The following MAF variants were observed in gnomAD, a reference collection of about 807,000 sequenced individuals.
MAF encodes transcription factor Maf.
In MAF, 10 loss-of-function variants were observed where a neutral mutation model predicts 22.0. The ratio of observed to expected loss-of-function variants is 0.45; its 90% CI spans 0.28 to 0.77. The LOEUF (loss-of-function observed/expected upper bound fraction) is 0.77. Among genes scored for constraint, MAF ranks in the 30% least tolerant of loss-of-function variants. MAF has a pLI of 0.12. For missense variants in MAF, 544 were observed against 548.4 expected (o/e 0.99, Z 0.08); for synonymous variants, 337 against 255.8 (o/e 1.32, Z -3.03).
chr16:79,563,137 T>G, the MAF span, among the ~76,000 whole-genome samples: 7 of 152,148 alleles, frequency 4.6e-5, no homozygotes, highest in Non-Finnish European at 1.0e-4. Flanking sequence ...CTGAAGGCTG[T>G]ACCCATAAAG....
At chr16:79,312,971 G>T in the MAF span, among the ~76,000 whole-genome samples, 6 of 152,164 alleles carry the variant, frequency 3.9e-5, no homozygotes, top group Non-Finnish European at 7.3e-5. Context: ...ATGAGATGGG[G>T]ACAGTGGAGA....
chr16:79,376,333 TCTC>T, the MAF span, among the ~76,000 whole-genome samples: 1 of 152,100 alleles, frequency 6.6e-6, no homozygotes, highest in Non-Finnish European at 1.5e-5. Flanking sequence ...TCTTCAATCT[TCTC>T]TGCTTTTGCC....
At chr16:79,524,779 G>A in the MAF span, among the ~76,000 whole-genome samples, 5 of 152,118 alleles carry the variant, frequency 3.3e-5, no homozygotes, top group African/African-American at 4.8e-5. Flanking sequence ...TTATCCCATT[G>A]GATATGGGAA....
chr16:79,537,179 C>T, the MAF span, among the ~76,000 whole-genome samples: 2 of 152,188 alleles, frequency 1.3e-5, no homozygotes, highest in East Asian at 3.9e-4. Flanking sequence ...TGAATCTATT[C>T]TCAGTTCATA....
chr16:79,243,936 C>T, the MAF span, among the ~76,000 whole-genome samples: 5 of 151,946 alleles, frequency 3.3e-5, no homozygotes, highest in African/African-American at 7.3e-5. Context: ...AAACATAATC[C>T]GTTACATAAA....
the MAF span, among the ~76,000 whole-genome samples, chr16:79,453,876 T>C: frequency 6.6e-6 from 1 of 152,178 alleles, no homozygotes; most frequent in Non-Finnish European, 1.5e-5. Flanking sequence ...ACACACTGAA[T>C]GTATGTGGAT....
At chr16:79,216,209 T>C in the MAF span, among the ~76,000 whole-genome samples, 5 of 152,222 alleles carry the variant, frequency 3.3e-5, no homozygotes, top group Non-Finnish European at 7.3e-5. Context: ...TCTGTATATG[T>C]ATACGTGTCA....
the MAF span, among the ~76,000 whole-genome samples, chr16:79,531,614 A>G: frequency 3.3e-5 from 5 of 152,112 alleles, no homozygotes; most frequent in Non-Finnish European, 7.4e-5. Context: ...GGAGGGCACA[A>G]CCTAGATCCC....
chr16:79,335,785 C>A, the MAF span, among the ~76,000 whole-genome samples: 1 of 152,198 alleles, frequency 6.6e-6, no homozygotes, highest in African/African-American at 2.4e-5. Context: ...CTGGCTCCAA[C>A]TCTGGTTGGT....
the MAF span, among the ~76,000 whole-genome samples, chr16:79,530,721 T>C: frequency 2.6e-5 from 4 of 152,374 alleles, no homozygotes; most frequent in East Asian, 5.8e-4. Flanking sequence ...CTTTCTCTAA[T>C]GGATTGTTTT....
the MAF span, among the ~76,000 whole-genome samples, chr16:79,271,072 C>T: frequency 8.7e-4 from 89 of 101,932 alleles, no homozygotes; most frequent in African/African-American, 3.9e-3. Context: ...GGCTTTCTGG[C>T]ATTTTTTTTT....
At chr16:79,355,634 C>A in the MAF span, among the ~76,000 whole-genome samples, 1 of 152,168 alleles carries the variant, frequency 6.6e-6, no homozygotes, top group Admixed American at 6.6e-5. Context: ...AGTAGGGACT[C>A]AAATATGATT....
chr16:79,380,179 T>C, the MAF span, among the ~76,000 whole-genome samples: 4 of 152,334 alleles, frequency 2.6e-5, no homozygotes, highest in South Asian at 8.3e-4. Flanking sequence ...AGTTTCCTAT[T>C]GGCTAAATGC....
chr16:79,500,856 G>A, the MAF span, among the ~76,000 whole-genome samples: 1 of 152,156 alleles, frequency 6.6e-6, no homozygotes, highest in Non-Finnish European at 1.5e-5. Context: ...CCTTCTCAGA[G>A]AGTGTATGGA....
the MAF span, among the ~76,000 whole-genome samples, chr16:79,527,061 A>C: frequency 6.6e-6 from 1 of 152,178 alleles, no homozygotes; most frequent in African/African-American, 2.4e-5. Context: ...ACTCCAACAC[A>C]CCAGTGCTGT....
At chr16:79,301,285 C>T in the MAF span, among the ~76,000 whole-genome samples, 1 of 152,150 alleles carries the variant, frequency 6.6e-6, no homozygotes, top group Non-Finnish European at 1.5e-5. Context: ...TGCTGACCAG[C>T]GAGACCCTGG....
At chr16:79,495,366 GGTAGGAGGATCAC>G in the MAF span, among the ~76,000 whole-genome samples, 1 of 152,088 alleles carries the variant, frequency 6.6e-6, no homozygotes, top group African/African-American at 2.4e-5. Flanking sequence ...AGGAAGCTGA[GGTAGGAGGATCAC>G]TTGAGCCCAG....
chr16:79,497,891 G>A, the MAF span, among the ~76,000 whole-genome samples: 2 of 152,156 alleles, frequency 1.3e-5, no homozygotes, highest in East Asian at 3.9e-4. Flanking sequence ...GTTCCCTATT[G>A]ACTCATGTAT....
the MAF span, among the ~76,000 whole-genome samples, chr16:79,579,322 T>C: frequency 6.6e-6 from 1 of 152,222 alleles, no homozygotes; most frequent in Non-Finnish European, 1.5e-5. Flanking sequence ...AAGTCACAGT[T>C]TCAGAAGATG....
Sources: allele counts gnomAD v4.1 joint callset (sites outside exome capture counted in the v4.1 genomes callset), GRCh38; gene constraint gnomAD v4.1.1; transcripts MANE v1.5; gene names NCBI Gene and HGNC (gene_info 2026-07-23, HGNC 2026-07-21).